PLXNA4: variants seen among roughly 807,000 people sequenced by gnomAD.
The protein encoded by PLXNA4 is plexin-A4.
In PLXNA4, 44 loss-of-function variants were observed where a neutral mutation model predicts 191.8. The ratio of observed to expected loss-of-function variants is 0.23; its 90% confidence interval spans 0.18 to 0.29. PLXNA4 has a LOEUF of 0.29. Among genes scored for constraint, PLXNA4 ranks in the 10% least tolerant of loss-of-function variants. The pLI is 1.00. For synonymous variants in PLXNA4, 1,082 were observed against 1,009.5 expected, an observed-to-expected ratio of 1.07 and a Z score of -1.36; for missense variants, 1,800 against 2,488.8, an observed-to-expected ratio of 0.72 and a Z score of 5.89.
At chr7:132,297,244 G>T (rs1801121119) in intron 4 of PLXNA4, among the ~76,000 whole-genome samples, 1 of 152,130 alleles carries the variant, frequency 6.6e-6, no homozygotes, top group Non-Finnish European at 1.5e-5. Flanking sequence ...GGGATAGAGG[G>T]GCAGCTCCCG....
Position 132,576,405 on chromosome 7 carries a change from GC to G in PLXNA4, c.-87+16del. 1 of 985,846 alleles carries G rather than the reference GC, an allele frequency of 1.0e-6. No homozygotes were observed. The highest frequency in any genetic ancestry group is 1.7e-5 in the African/African-American group (1 of 57,340). 61.1% of individuals were successfully genotyped at this position (985,846 alleles called of 1,614,324 possible). The stretch of plus-strand genomic sequence containing the variant: ...GCCGCCCGCCCGGCCCCACTCCCCG[GC>G]GGGCCGGCTCCTTACCTGGACGCGC... On this transcript the variant is annotated intron_variant, in intron 1 of 31. Transcript: ENST00000321063. The surrounding 1 kb of genome is among the most constrained non-coding windows in gnomAD (Gnocchi z 5.8).
intron 3 of PLXNA4, among the ~76,000 whole-genome samples, chr7:132,483,741 G>A (rs976840922): frequency 6.6e-6 from 1 of 152,122 alleles, no homozygotes; most frequent in African/African-American, 2.4e-5. Context: ...ATCTTGAATT[G>A]GCAAAGCTCA....
At chr7:132,574,791 C>T (rs940819066) in intron 1 of PLXNA4, among the ~76,000 whole-genome samples, 4 of 152,132 alleles carry the variant, frequency 2.6e-5, no homozygotes, top group Non-Finnish European at 5.9e-5. Context: ...TTGGAAATAG[C>T]GGAGTCAGGG....
At chr7:132,361,087 G>A (rs1281416552) in intron 3 of PLXNA4, among the ~76,000 whole-genome samples, 3 of 152,188 alleles carry the variant, frequency 2.0e-5, no homozygotes, top group Non-Finnish European at 2.9e-5. Flanking sequence ...ACTTCCCCAA[G>A]GACTCAGCTG....
chr7:132,386,022 T>C (rs1805122365), intron 3 of PLXNA4, among the ~76,000 whole-genome samples: 1 of 152,166 alleles, frequency 6.6e-6, no homozygotes, highest in South Asian at 2.1e-4. Flanking sequence ...TTAAACTTAA[T>C]TAGCATTTAG....
intron 3 of PLXNA4, among the ~76,000 whole-genome samples, chr7:132,405,992 C>T (rs1242500731): frequency 6.6e-6 from 1 of 152,190 alleles, no homozygotes; most frequent in Non-Finnish European, 1.5e-5. Context: ...TTGTGGCCCC[C>T]TGGCTTGGAA....
chr7:132,318,174 A>G (rs966415000), intron 3 of PLXNA4, among the ~76,000 whole-genome samples: 1 of 152,124 alleles, frequency 6.6e-6, no homozygotes, highest in Admixed American at 6.5e-5. Flanking sequence ...CAGGGGTAGC[A>G]TCTCAGGGCC....
rs745875490 is a variant in PLXNA4 at position 132,181,364 on chromosome 7, C to T, written c.3492+17G>A. 2 of 1,613,436 alleles carry T rather than the reference C, an allele frequency of 1.2e-6. No homozygotes were observed. Among genetic ancestry groups the T allele is most frequent in the East Asian group, 2.2e-5 (1 of 44,874 alleles). On this transcript the variant is annotated intron_variant, in intron 18 of 31. Transcript: ENST00000321063. ...CCCTTCTTTTCCCACCCCCGCCTCC[C>T]ACCACCCTCACTCCACCTTTAGGAT... is the stretch of plus-strand genomic sequence containing the variant.
intron 1 of PLXNA4, among the ~76,000 whole-genome samples, chr7:132,561,728 TTCC>T (rs370457856): frequency 0.027 from 1,602 of 59,218 alleles, 69 homozygotes; most frequent in Admixed American, 0.096. Flanking sequence ...TCTCCTCCTC[TTCC>T]TCCTCCTCCT....
chr7:132,468,636 G>T (rs910549818), intron 3 of PLXNA4, among the ~76,000 whole-genome samples: 7 of 152,084 alleles, frequency 4.6e-5, no homozygotes, highest in Non-Finnish European at 1.0e-4. Flanking sequence ...GAGAAAGAGA[G>T]AAGAATGCTT....
At chr7:132,579,425 TTG>T (rs896244746), upstream of PLXNA4, among the ~76,000 whole-genome samples, 37 of 151,128 alleles carry the variant, frequency 2.4e-4, no homozygotes, top group South Asian at 1.3e-3. Flanking sequence ...TCGGTTGTAT[TTG>T]TGTGTGTGTG....
intron 3 of PLXNA4, among the ~76,000 whole-genome samples, chr7:132,477,303 C>T (rs149304055): frequency 6.6e-6 from 1 of 152,328 alleles, no homozygotes; most frequent in East Asian, 1.9e-4. Flanking sequence ...ATTTTCCACA[C>T]CATTCACTTT....
intron 4 of PLXNA4, among the ~76,000 whole-genome samples, chr7:132,278,026 T>C (rs1476943968): frequency 6.6e-6 from 1 of 152,242 alleles, no homozygotes; most frequent in Non-Finnish European, 1.5e-5. Flanking sequence ...GTTAAAATGA[T>C]GTCAATTAAT....
intron 3 of PLXNA4, among the ~76,000 whole-genome samples, chr7:132,322,458 C>T (rs1373356377): frequency 6.6e-6 from 1 of 152,214 alleles, no homozygotes; most frequent in East Asian, 1.9e-4. Context: ...GCTGGGATTA[C>T]AGGCGTGAGC....
At chr7:132,578,164 T>G (rs1802328964), upstream of PLXNA4, among the ~76,000 whole-genome samples, 1 of 152,092 alleles carries the variant, frequency 6.6e-6, no homozygotes, top group Admixed American at 6.5e-5. Context: ...AACCTCTGCC[T>G]AGATCCCCCT....
At chr7:132,532,597 T>TATAC (rs1349805711) in intron 1 of PLXNA4, among the ~76,000 whole-genome samples, 1 of 152,242 alleles carries the variant, frequency 6.6e-6, no homozygotes, top group Non-Finnish European at 1.5e-5. Context: ...TGTAATGTTC[T>TATAC]ATACATCTCC....
intron 2 of PLXNA4, among the ~76,000 whole-genome samples, chr7:132,499,661 G>T (rs771917448): frequency 6.6e-6 from 1 of 152,164 alleles, no homozygotes; most frequent in Admixed American, 6.5e-5. Flanking sequence ...GTGCTGGGAA[G>T]CAGTGGCCCT....
At chr7:132,144,210 G>A (rs1795355601) in intron 29 of PLXNA4, among the ~76,000 whole-genome samples, 1 of 152,194 alleles carries the variant, frequency 6.6e-6, no homozygotes, top group Non-Finnish European at 1.5e-5. Context: ...TGGGACAAAG[G>A]ATAAGCCAGC....
chr7:132,300,701 C>T (rs762780136), intron 3 of PLXNA4, among the ~76,000 whole-genome samples: 3 of 152,230 alleles, frequency 2.0e-5, no homozygotes, highest in Middle Eastern at 3.2e-3. Flanking sequence ...GCAATGATGG[C>T]CTTGGCCCCT....
Sources: allele counts gnomAD v4.1 joint callset (sites outside exome capture counted in the v4.1 genomes callset), GRCh38; gene constraint gnomAD v4.1.1; non-coding constraint Gnocchi (gnomAD v3.1); transcripts MANE v1.5; gene names NCBI Gene and HGNC (gene_info 2026-07-23, HGNC 2026-07-21).